Variants in FKBP5 observed in about 807,000 individuals in gnomAD.
FKBP5 encodes the protein peptidyl-prolyl cis-trans isomerase FKBP5.
In FKBP5, 23 loss-of-function variants were observed where a neutral mutation model predicts 50.5. The observed-to-expected ratio is 0.46, with a 90% CI of 0.33 to 0.65. FKBP5 has a LOEUF of 0.65. Ranked by LOEUF, FKBP5 falls within the 30% of genes least tolerant of loss-of-function variation. The pLI, the probability that FKBP5 is intolerant of heterozygous loss-of-function variation, is 0.02. For missense variants in FKBP5, 411 were observed against 553.1 expected, an observed-to-expected ratio of 0.74 and a Z score of 2.58; for synonymous variants, 176 against 190.6, an observed-to-expected ratio of 0.92 and a Z score of 0.63.
chr6:35,713,257 G>A (rs1020199982), intron 2 of FKBP5, among the ~76,000 whole-genome samples: 3 of 151,918 alleles, frequency 2.0e-5, no homozygotes, highest in African/African-American at 7.3e-5. Context: ...CACACTTGTT[G>A]GGGGAACCTT....
intron 1 of FKBP5, among the ~76,000 whole-genome samples, chr6:35,648,286 A>G (rs752503367): frequency 2.6e-5 from 4 of 152,088 alleles, no homozygotes; most frequent in African/African-American, 7.2e-5. Flanking sequence ...ATTGTCTCTT[A>G]AGAGACAGGG....
At chr6:35,707,079 C>T (rs558805588) in intron 2 of FKBP5, among the ~76,000 whole-genome samples, 1 of 152,092 alleles carries the variant, frequency 6.6e-6, no homozygotes, top group East Asian at 1.9e-4. Flanking sequence ...GGTGGTTATG[C>T]CTAAGGGGAT....
chr6:35,670,382 A>C (rs1765351615), intron 1 of FKBP5, among the ~76,000 whole-genome samples: 1 of 152,228 alleles, frequency 6.6e-6, no homozygotes. Flanking sequence ...TAAATTTACT[A>C]ACAAAATTGG....
At position 35,606,424 on chromosome 6, in the gene FKBP5, G is replaced by A. The variant is rs751684005; in HGVS notation, c.509-9020C>T. Among the ~76,000 whole-genome samples, 31 of 152,030 alleles carry A rather than the reference G, an allele frequency of 2.0e-4. 1 individual carries two copies. Among genetic ancestry groups the A allele is most frequent in the African/African-American group, 7.0e-4 (29 of 41,494 alleles). On this transcript the variant is annotated intron_variant, in intron 5 of 10. Transcript: ENST00000357266. The stretch of plus-strand genomic sequence containing the variant: ...TTTAATCCCAGCACTTTGGGAGGCC[G>A]AGGCAGGCAGATCATGAGGTCAGGA...
rs1765028902 is a variant in FKBP5, at chr6:35,658,808, C to G, written c.-19-15965G>C. 2.4e-5 allele frequency among the ~76,000 whole-genome samples: 2 copies of G among 84,348 alleles called. 1 individual carries two copies. The highest frequency in any genetic ancestry group is 8.4e-4 in the South Asian group (2 of 2,378). The allele number at this position is 84,348 out of a possible 152,430, so 55.3% of individuals were successfully genotyped here. On this transcript the variant is annotated intron_variant, in intron 1 of 10. Coordinates refer to ENST00000357266, the MANE Select transcript of FKBP5 (RefSeq NM_004117.4). ...ATTGCTGGCTGGGTGTGGTGGCTTA[C>G]ACTTGTAATCCCAGCATTTTGGGAG...
intron 3 of FKBP5, among the ~76,000 whole-genome samples, chr6:35,626,569 CATT>C (rs1764005253): frequency 6.6e-6 from 1 of 152,162 alleles, no homozygotes; most frequent in African/African-American, 2.4e-5. Context: ...AGTATATTCA[CATT>C]GTTGTGCAAC....
chr6:35,693,390 C>T (rs541596973), upstream of FKBP5, among the ~76,000 whole-genome samples: 1 of 151,872 alleles, frequency 6.6e-6, no homozygotes, highest in South Asian at 2.1e-4. Context: ...GTCTCAATCG[C>T]CTGACCTCCT....
chr6:35,575,610 C>A lies in FKBP5; in HGVS notation c.*225G>T, dbSNP rs1762186634. 3 of 526,142 alleles carry A rather than the reference C, an allele frequency of 5.7e-6. No homozygotes were observed. Among genetic ancestry groups the A allele is most frequent in the South Asian group, 4.8e-5 (2 of 41,940 alleles). The allele number at this position is 526,142 out of a possible 1,614,324, so 32.6% of individuals were successfully genotyped here. ...TGGCTCACTCCCTCCACACCACAGT[C>A]ATTTCTGTTTGTTCCACCTGGAGTG... On this transcript the variant is annotated 3_prime_UTR_variant, in exon 11 of 11. Coordinates refer to ENST00000357266, the MANE Select transcript of FKBP5 (RefSeq NM_004117.4).
At chr6:35,591,039 C>A in intron 7 of FKBP5, 91 bp downstream of exon 7, 1 of 803,806 alleles carries the variant, frequency 1.2e-6, no homozygotes, top group Non-Finnish European at 2.1e-6. Context: ...CACCATCTAT[C>A]TATACCACCT....
At chr6:35,707,350 GGGATTA>G in intron 2 of FKBP5, among the ~76,000 whole-genome samples, 1 of 151,242 alleles carries the variant, frequency 6.6e-6, no homozygotes, top group East Asian at 1.9e-4. Flanking sequence ...CCGAGTAGCT[GGGATTA>G]CAGGCATGCA....
At chr6:35,645,086 A>G (rs1002615889) in intron 1 of FKBP5, among the ~76,000 whole-genome samples, 2 of 152,258 alleles carry the variant, frequency 1.3e-5, no homozygotes, top group African/African-American at 2.4e-5. Context: ...CTGCATCACC[A>G]ATAATGAAAA....
At chr6:35,582,370 G>T in intron 8 of FKBP5, 1 of 858,772 alleles carries the variant, frequency 1.2e-6, no homozygotes, top group Non-Finnish European at 1.4e-6. Flanking sequence ...GATATTTGCA[G>T]ATGGAGCATT....
At chr6:35,649,446 A>G (rs73748214) in intron 1 of FKBP5, among the ~76,000 whole-genome samples, 1 of 120,798 alleles carries the variant, frequency 8.3e-6, no homozygotes, top group African/African-American at 3.3e-5. Flanking sequence ...TTTTTTTTTT[A>G]AAGAAAAAAA....
chr6:35,636,848 A>T (rs1296357101), intron 3 of FKBP5, among the ~76,000 whole-genome samples, 166 bp downstream of exon 3: 1 of 152,096 alleles, frequency 6.6e-6, no homozygotes, highest in Middle Eastern at 3.2e-3. Context: ...GACATTTGGG[A>T]CCCCCTAAAA....
intron 5 of FKBP5, among the ~76,000 whole-genome samples, chr6:35,612,610 TAC>T: frequency 6.6e-6 from 1 of 152,350 alleles, no homozygotes; most frequent in Non-Finnish European, 1.5e-5. Context: ...TTAATTGACT[TAC>T]AGTTTCACAT....
At chr6:35,687,105 T>C (rs546698137) in intron 1 of FKBP5, among the ~76,000 whole-genome samples, 3 of 152,342 alleles carry the variant, frequency 2.0e-5, no homozygotes, top group East Asian at 3.9e-4. Context: ...TAAACTAGCA[T>C]AATTAAATCA....
chr6:35,688,108 T>C (rs1427198656), intron 1 of FKBP5, among the ~76,000 whole-genome samples: 1 of 152,256 alleles, frequency 6.6e-6, no homozygotes, highest in Non-Finnish European at 1.5e-5. Context: ...TAGACGGCGC[T>C]GCGCGGACTC....
chr6:35,601,032 T>C (rs565564305), intron 5 of FKBP5, among the ~76,000 whole-genome samples: 2 of 152,314 alleles, frequency 1.3e-5, no homozygotes, highest in East Asian at 3.9e-4. Context: ...AAACATTCAT[T>C]GTAGCTAGTC....
intron 1 of FKBP5, among the ~76,000 whole-genome samples, chr6:35,654,091 T>C (rs1028563129): frequency 2.6e-5 from 4 of 152,234 alleles, no homozygotes; most frequent in Admixed American, 6.5e-5. Context: ...ATATGGTCAA[T>C]TGACAATGTC....
Sources: gnomAD v4.1 joint callset for allele counts (sites outside exome capture counted in the v4.1 genomes callset) on GRCh38, gnomAD v4.1.1 for gene constraint, MANE v1.5 for transcripts, NCBI Gene and HGNC (gene_info 2026-07-23, HGNC 2026-07-21) for gene names.